Variants in GPC5 observed in about 807,000 individuals in gnomAD.
The protein encoded by GPC5 is glypican-5.
In GPC5, 47 loss-of-function variants were observed where a neutral mutation model predicts 53.9. The ratio of observed to expected loss-of-function variants is 0.87; its 90% CI spans 0.69 to 1.11. GPC5 has a LOEUF of 1.11. Among genes scored for constraint, GPC5 ranks in the 50% most tolerant of loss-of-function variants. The probability of loss-of-function intolerance (pLI) is 0.00; values close to 1 mark genes in which losing one functional copy is unlikely to be tolerated. For synonymous variants in GPC5, 286 were observed against 263.3 expected, an observed-to-expected ratio of 1.09 and a Z score of -0.84; for missense variants, 748 against 713.1, an observed-to-expected ratio of 1.05 and a Z score of -0.56.
chr13:91,598,226 T>G (rs2033061729), intron 2 of GPC5, among the ~76,000 whole-genome samples: 1 of 152,168 alleles, frequency 6.6e-6, no homozygotes, highest in Non-Finnish European at 1.5e-5. Context: ...TTTTCAGAAT[T>G]CTGGTAATAA....
rs115417473 is a variant in GPC5, at chr13:92,745,218, G to T, written c.1562-121064G>T. ...TTAGTTCAATATAAACACAATTTGG[G>T]TCTTTTTACTTTTTGGAAATTTTCT... On this transcript the variant is annotated intron_variant, in intron 7 of 7. Coordinates refer to ENST00000377067, the MANE Select transcript of GPC5 (RefSeq NM_004466.6). 6.4e-3 allele frequency among the ~76,000 whole-genome samples: 980 copies of T among 152,018 alleles called. 10 individuals carry two copies. Among genetic ancestry groups the T allele is most frequent in the African/African-American group, 0.023 (938 of 41,498 alleles).
chr13:92,616,153 A>T (rs1035001452), intron 7 of GPC5, among the ~76,000 whole-genome samples: 1 of 152,238 alleles, frequency 6.6e-6, no homozygotes, highest in African/African-American at 2.4e-5. Context: ...AAAAATAAGG[A>T]TTTATATTTT....
intron 7 of GPC5, among the ~76,000 whole-genome samples, chr13:92,315,763 T>C (rs12873633): frequency 6.6e-6 from 1 of 151,724 alleles, no homozygotes; most frequent in Non-Finnish European, 1.5e-5. Flanking sequence ...ATAAGGACTC[T>C]TTTCAAACTA....
intron 6 of GPC5, among the ~76,000 whole-genome samples, chr13:91,947,741 C>T (rs763905396): frequency 2.0e-5 from 3 of 152,110 alleles, no homozygotes; most frequent in African/African-American, 7.2e-5. Flanking sequence ...TATTTTGCTT[C>T]CAATTCTGCA....
At chr13:92,719,068 C>G (rs1888423718) in intron 7 of GPC5, among the ~76,000 whole-genome samples, 1 of 151,428 alleles carries the variant, frequency 6.6e-6, no homozygotes. Flanking sequence ...ACTAGGTACT[C>G]ATAAAAATTA....
chr13:92,624,194 CT>C (rs767189451), intron 7 of GPC5, among the ~76,000 whole-genome samples: 10 of 151,966 alleles, frequency 6.6e-5, no homozygotes, highest in South Asian at 4.2e-4. Flanking sequence ...CTTGGCCCCC[CT>C]AGTAGCTGAG....
At chr13:91,997,437 C>CAGACCAGTTCCCTCTATTTGTTA (rs1426668029) in intron 6 of GPC5, among the ~76,000 whole-genome samples, 1 of 152,122 alleles carries the variant, frequency 6.6e-6, no homozygotes, top group African/African-American at 2.4e-5. Context: ...CTTTCCATTC[C>CAGACCAGTTCCCTCTATTTGTTA]AGACCAGTTC....
In GPC5 at chr13:92,347,874, A is replaced by C. The variant is rs5018483; in HGVS notation, c.1561+202885A>C. Among the ~76,000 whole-genome samples the C allele has an allele frequency of 3.0e-4, 2 of 6,646 alleles. 1 individual carries two copies. Among genetic ancestry groups the C allele is most frequent in the Non-Finnish European group, 5.2e-4 (2 of 3,876 alleles). 4.4% of individuals were successfully genotyped at this position (6,646 alleles called of 152,430 possible). On this transcript the variant is annotated intron_variant, in intron 7 of 7. Coordinates refer to ENST00000377067, the MANE Select transcript of GPC5 (RefSeq NM_004466.6). ...TTATACATATATATATTATATATAT[A>C]ATATATATTATATATATTATATATA...
chr13:92,832,344 A>G (rs1031195197), intron 7 of GPC5, among the ~76,000 whole-genome samples: 44 of 152,212 alleles, frequency 2.9e-4, no homozygotes, highest in Non-Finnish European at 3.8e-4. Flanking sequence ...ATCCATAAAG[A>G]TGGAAGAACT....
chr13:92,477,769 T>C (rs1401875711), intron 7 of GPC5, among the ~76,000 whole-genome samples: 2 of 152,144 alleles, frequency 1.3e-5, no homozygotes, highest in Non-Finnish European at 2.9e-5. Flanking sequence ...TAGAGGTTAC[T>C]GAAATGAAAG....
At chr13:92,572,112 T>A (rs1055612753) in intron 7 of GPC5, among the ~76,000 whole-genome samples, 5 of 152,166 alleles carry the variant, frequency 3.3e-5, no homozygotes, top group South Asian at 4.1e-4. Flanking sequence ...TTAAATAAGA[T>A]TATTGATAAA....
At chr13:92,098,297 A>C (rs2041437523) in intron 6 of GPC5, among the ~76,000 whole-genome samples, 1 of 152,058 alleles carries the variant, frequency 6.6e-6, no homozygotes, top group African/African-American at 2.4e-5. Context: ...TGTTAAAGAT[A>C]ATGGCCTTCA....
intron 7 of GPC5, among the ~76,000 whole-genome samples, chr13:92,521,415 G>A (rs188064765): frequency 1.3e-5 from 2 of 152,226 alleles, no homozygotes; most frequent in East Asian, 1.9e-4. Flanking sequence ...CATGGTACTC[G>A]TACCAAAACA....
intron 7 of GPC5, among the ~76,000 whole-genome samples, chr13:92,728,407 T>C (rs1432354068): frequency 6.6e-6 from 1 of 151,462 alleles, no homozygotes; most frequent in Non-Finnish European, 1.5e-5. Flanking sequence ...ATGTTAATTT[T>C]TTTGTGGATT....
intron 7 of GPC5, among the ~76,000 whole-genome samples, chr13:92,632,485 T>TATATATATATATATATATAC (rs138355646): frequency 2.0e-4 from 28 of 137,658 alleles, no homozygotes; most frequent in Non-Finnish European, 3.6e-4. Context: ...TATATATATA[T>TATATATATATATATATATAC]ACACATATAT....
At chr13:92,817,830 T>TGAA (rs1877529837) in intron 7 of GPC5, among the ~76,000 whole-genome samples, 2 of 151,900 alleles carry the variant, frequency 1.3e-5, no homozygotes, top group African/African-American at 4.9e-5. Context: ...TAATCATAAG[T>TGAA]CACTCAGAAG....
chr13:91,950,872 T>C (rs940114086), intron 6 of GPC5, among the ~76,000 whole-genome samples: 1 of 152,152 alleles, frequency 6.6e-6, no homozygotes, highest in African/African-American at 2.4e-5. Flanking sequence ...CAAGATCGCA[T>C]ACCAGTAAAT....
chr13:92,498,990 A>G (rs1880085545), intron 7 of GPC5, among the ~76,000 whole-genome samples: 1 of 152,070 alleles, frequency 6.6e-6, no homozygotes, highest in African/African-American at 2.4e-5. Flanking sequence ...CCTAGATAGA[A>G]TGCTGAAAGA....
intron 6 of GPC5, among the ~76,000 whole-genome samples, chr13:91,972,868 A>G (rs952938051): frequency 3.9e-5 from 6 of 152,132 alleles, no homozygotes; most frequent in Non-Finnish European, 7.3e-5. Flanking sequence ...CTTTGTGGGT[A>G]ACCCTACCTT....
Sources: gnomAD v4.1 joint callset for allele counts (sites outside exome capture counted in the v4.1 genomes callset) on GRCh38, gnomAD v4.1.1 for gene constraint, MANE v1.5 for transcripts, NCBI Gene and HGNC (gene_info 2026-07-23, HGNC 2026-07-21) for gene names.